The following PDE1C variants were observed in gnomAD, a reference collection of about 807,000 sequenced individuals.
PDE1C encodes the protein phosphodiesterase 1C, also known as dual specificity calcium/calmodulin-dependent 3',5'-cyclic nucleotide phosphodiesterase 1C.
Under a neutral mutation model 93.1 loss-of-function variants are expected in PDE1C, and 62 were observed. The observed-to-expected ratio is 0.67, with a 90% confidence interval of 0.54 to 0.82. The LOEUF is 0.82. Ranked by LOEUF, PDE1C falls within the 40% of genes least tolerant of loss-of-function variation. The probability of loss-of-function intolerance (pLI) is 0.00; values close to 1 mark genes in which losing one functional copy is unlikely to be tolerated. For missense variants in PDE1C, 742 were observed against 884.6 expected (o/e 0.84, Z 2.04); for synonymous variants, 325 against 310.1 (o/e 1.05, Z -0.50).
chr7:31,632,174 C>T, the PDE1C span, among the ~76,000 whole-genome samples: 2 of 152,176 alleles, frequency 1.3e-5, no homozygotes, highest in Non-Finnish European at 2.9e-5. Context: ...AGAGGCAGGG[C>T]GTGGTGGCTC....
chr7:32,402,662 G>T (rs1036528498), intron 1 of PDE1C, among the ~76,000 whole-genome samples: 1 of 152,100 alleles, frequency 6.6e-6, no homozygotes, highest in Non-Finnish European at 1.5e-5. Flanking sequence ...AGCCATTTGG[G>T]CATCCCTTAG....
At chr7:32,257,447 T>C (rs892626950) in intron 1 of PDE1C, among the ~76,000 whole-genome samples, 1 of 152,226 alleles carries the variant, frequency 6.6e-6, no homozygotes, top group Admixed American at 6.5e-5. Context: ...TGTTTGACCA[T>C]GGCCAAATTA....
At chr7:32,350,563 TATATATATATATATATATATATATA>T (rs1783944435) in intron 1 of PDE1C, among the ~76,000 whole-genome samples, 1 of 678 alleles carries the variant, frequency 1.5e-3, no homozygotes, top group African/African-American at 1.5e-3. Context: ...TATATATATA[TATATATATATATATATATATATATA>T]TATTTTTTTT....
At position 32,380,727 on chromosome 7, in the gene PDE1C, G is replaced by A. The variant is rs568449738; in HGVS notation, c.310+47095C>T. 3.9e-5 allele frequency among the ~76,000 whole-genome samples: 6 copies of A among 152,128 alleles called. No homozygotes were observed. The South Asian group carries it at 1.0e-3, about 26-fold the overall frequency. On this transcript the variant is annotated intron_variant, in intron 1 of 1. Coordinates refer to the PDE1C transcript ENST00000672256. ...CCCTTCTGGAAACATGCACCTCCCC[G>A]GTTTCTGGACTCGATGTTCCTGGTT...
upstream of PDE1C, chr7:32,070,668 A>G: frequency 1.5e-6 from 2 of 1,330,606 alleles, no homozygotes; most frequent in Non-Finnish European, 1.9e-6. Flanking sequence ...AGGGATAGAG[A>G]TAGGGATTGG....
the PDE1C span, among the ~76,000 whole-genome samples, chr7:31,696,466 T>C: frequency 6.6e-6 from 1 of 152,216 alleles, no homozygotes; most frequent in Non-Finnish European, 1.5e-5. Context: ...AGGCTGTTTT[T>C]AGAGAGTTAC....
At chr7:32,183,710 C>T (rs1456884588) in intron 2 of PDE1C, among the ~76,000 whole-genome samples, 4 of 152,112 alleles carry the variant, frequency 2.6e-5, no homozygotes, top group Non-Finnish European at 2.9e-5. Context: ...AGAAGAAAAC[C>T]TAGGCAATAC....
chr7:31,869,996 T>C (rs1795738325), intron 6 of PDE1C, among the ~76,000 whole-genome samples: 1 of 152,024 alleles, frequency 6.6e-6, no homozygotes, highest in Non-Finnish European at 1.5e-5. Context: ...AAATTAAACA[T>C]GTTCCTGATT....
At chr7:32,294,031 T>G (rs1812491812) in intron 1 of PDE1C, among the ~76,000 whole-genome samples, 2 of 151,778 alleles carry the variant, frequency 1.3e-5, no homozygotes, top group Non-Finnish European at 2.9e-5. Flanking sequence ...ACACCCCCAG[T>G]GTATGCAGCC....
intron 2 of PDE1C, among the ~76,000 whole-genome samples, chr7:32,026,739 C>T (rs1413633970): frequency 6.6e-6 from 1 of 151,838 alleles, no homozygotes; most frequent in African/African-American, 2.4e-5. Context: ...TCATAATTGC[C>T]AAAACTTGGA....
intron 1 of PDE1C, among the ~76,000 whole-genome samples, chr7:32,390,541 GAAAAA>G (rs753651084): frequency 4.3e-5 from 4 of 93,052 alleles, no homozygotes; most frequent in Non-Finnish European, 7.1e-5. Flanking sequence ...AGTGATCATT[GAAAAA>G]AAAAAAAAAA....
At chr7:32,168,901 C>T (rs564124197) in intron 3 of PDE1C, among the ~76,000 whole-genome samples, 67 of 152,204 alleles carry the variant, frequency 4.4e-4, no homozygotes, top group Admixed American at 2.7e-3. Context: ...GGAACTCCAA[C>T]AGCTGTCTGA....
At chr7:32,376,540 A>G (rs1180079882) in intron 1 of PDE1C, among the ~76,000 whole-genome samples, 1 of 152,190 alleles carries the variant, frequency 6.6e-6, no homozygotes, top group Non-Finnish European at 1.5e-5. Flanking sequence ...ACCAGGCCAG[A>G]GACTCCTCTA....
chr7:31,877,555 G>A (rs1796743772), intron 5 of PDE1C, among the ~76,000 whole-genome samples: 1 of 151,536 alleles, frequency 6.6e-6, no homozygotes, highest in Non-Finnish European at 1.5e-5. Context: ...AAATCTTGCT[G>A]AGTCTCGGTT....
At chr7:32,018,999 C>T (rs756547945) in intron 2 of PDE1C, among the ~76,000 whole-genome samples, 1 of 151,552 alleles carries the variant, frequency 6.6e-6, no homozygotes, top group Non-Finnish European at 1.5e-5. Flanking sequence ...ATATTCACAC[C>T]CCCACCCCAT....
intron 2 of PDE1C, among the ~76,000 whole-genome samples, chr7:32,004,496 G>A (rs1191954039): frequency 6.6e-6 from 1 of 152,162 alleles, no homozygotes; most frequent in Non-Finnish European, 1.5e-5. Context: ...TCTGTCCCAA[G>A]CTCCGCTAGT....
intron 2 of PDE1C, among the ~76,000 whole-genome samples, chr7:31,947,934 T>A (rs779291076): frequency 9.2e-5 from 14 of 152,234 alleles, no homozygotes; most frequent in Non-Finnish European, 1.9e-4. Context: ...TGCAGTAAGA[T>A]GTGCAGGTGA....
intron 2 of PDE1C, among the ~76,000 whole-genome samples, chr7:31,996,066 GACACACAC>G (rs3078631): frequency 0.016 from 2,234 of 138,618 alleles, 54 homozygotes; most frequent in African/African-American, 0.052. Context: ...TACGCTTCCG[GACACACAC>G]ACACACACAC....
chr7:32,398,906 C>G (rs1784890973), intron 1 of PDE1C, among the ~76,000 whole-genome samples: 1 of 152,104 alleles, frequency 6.6e-6, no homozygotes, highest in African/African-American at 2.4e-5. Context: ...GAGGATTAAA[C>G]AGATCACCAG....
Sources: gnomAD v4.1 joint callset for allele counts (sites outside exome capture counted in the v4.1 genomes callset) on GRCh38, gnomAD v4.1.1 for gene constraint, MANE v1.5 for transcripts, NCBI Gene and HGNC (gene_info 2026-07-23, HGNC 2026-07-21) for gene names.